UGGT2: variants seen among roughly 807,000 people sequenced by gnomAD.
UGGT2 encodes the protein UDP-glucose:glycoprotein glucosyltransferase 2.
Under a neutral mutation model 192.1 loss-of-function variants are expected in UGGT2, and 180 were observed. That is an observed-to-expected ratio of 0.94 (90% CI 0.83 to 1.06). The LOEUF is 1.06. UGGT2 is among the 50% of genes least tolerant of loss of function. The pLI is 0.00. For synonymous variants in UGGT2, 580 were observed against 591.0 expected, an observed-to-expected ratio of 0.98 and a Z score of 0.27; for missense variants, 1,849 against 1,795.7, an observed-to-expected ratio of 1.03 and a Z score of -0.54.
At chr13:96,022,554 ATAAT>A (rs1397746183) in intron 4 of UGGT2, among the ~76,000 whole-genome samples, 1 of 150,842 alleles carries the variant, frequency 6.6e-6, no homozygotes, top group Non-Finnish European at 1.5e-5. Context: ...TAAAGTATAA[ATAAT>A]CAGGCAAAAA....
chr13:96,027,644 C>A (rs2052709123), intron 2 of UGGT2, among the ~76,000 whole-genome samples: 1 of 152,180 alleles, frequency 6.6e-6, no homozygotes, highest in South Asian at 2.1e-4. Flanking sequence ...GACTTAACGA[C>A]ACGTAGCTCT....
Position 95,914,246 on chromosome 13 carries a change from TA to T in UGGT2, c.2296-11187del, listed in dbSNP as rs201574355. On this transcript the variant is annotated intron_variant, in intron 20 of 38. Coordinates refer to ENST00000376747, the MANE Select transcript of UGGT2 (RefSeq NM_020121.4). ...ATGTACCCTAGAACTTAAAGTATAA[TA>T]AAAAAAAAAAAGAAGGCAATGAGAT... Among the ~76,000 whole-genome samples, 898 of 134,164 alleles carry T rather than the reference TA, an allele frequency of 6.7e-3. 6 individuals are homozygous for T. The highest frequency in any genetic ancestry group is 0.022 in the East Asian group (105 of 4,678). The allele number at this position is 134,164 out of a possible 152,430, so 88.0% of individuals were successfully genotyped here. A position where few individuals can be genotyped will look rare whatever the true frequency, so the allele number is the denominator to read the frequency against.
In UGGT2 at chr13:95,852,145, T is replaced by G. The variant is rs552817544; in HGVS notation, c.4284+1398A>C. On this transcript the variant is annotated intron_variant, in intron 36 of 38. Transcript: ENST00000376747. Reference sequence around the variant, plus strand: ...AACTCATTCATATTTTGACATATAATTTCCCACTTACTAGATTTTTAAACA... The same window carrying G: ...AACTCATTCATATTTTGACATATAAGTTCCCACTTACTAGATTTTTAAACA... 2.6e-5 allele frequency among the ~76,000 whole-genome samples: 4 copies of G among 152,314 alleles called. No homozygotes were observed. In the South Asian group the frequency reaches 8.3e-4, roughly 32 times the overall value.
chr13:95,830,828 CAT>C (rs1335577595), intron 38 of UGGT2, among the ~76,000 whole-genome samples: 2 of 152,178 alleles, frequency 1.3e-5, no homozygotes, highest in African/African-American at 2.4e-5. Context: ...CACATGCACA[CAT>C]ATGTTTATTG....
chr13:96,019,047 G>A (rs769565915), intron 4 of UGGT2, among the ~76,000 whole-genome samples: 1 of 125,936 alleles, frequency 7.9e-6, no homozygotes, highest in African/African-American at 3.0e-5. Context: ...ATATTGATAA[G>A]ATATCACAAA....
chr13:95,945,018 T>G (rs1566737938), intron 15 of UGGT2, among the ~76,000 whole-genome samples: 1 of 151,964 alleles, frequency 6.6e-6, no homozygotes, highest in Non-Finnish European at 1.5e-5. Flanking sequence ...TCCCCTAATA[T>G]TTTATGGCTA....
chr13:96,006,800 T>A (rs1036616211), intron 5 of UGGT2, among the ~76,000 whole-genome samples: 8 of 151,978 alleles, frequency 5.3e-5, no homozygotes, highest in Non-Finnish European at 1.2e-4. Context: ...GTACCACACA[T>A]GGGAAACATC....
chr13:95,804,901 C>T (rs1884231423), intron 38 of UGGT2, among the ~76,000 whole-genome samples: 1 of 151,964 alleles, frequency 6.6e-6, no homozygotes, highest in Admixed American at 6.6e-5. Context: ...TTACATATGA[C>T]ACCAAAAATA....
chr13:95,984,678 G>T (rs2051236050), intron 9 of UGGT2, among the ~76,000 whole-genome samples: 1 of 152,076 alleles, frequency 6.6e-6, no homozygotes, highest in African/African-American at 2.4e-5. Flanking sequence ...AAAGACAGCA[G>T]AAGTGTTCAA....
chr13:95,880,430 G>A (rs1372372919), intron 27 of UGGT2, among the ~76,000 whole-genome samples: 1 of 152,186 alleles, frequency 6.6e-6, no homozygotes, highest in Non-Finnish European at 1.5e-5. Flanking sequence ...GCAGGTGAAG[G>A]CTGAACTTAA....
At chr13:95,842,578 A>G (rs1458957198) in intron 36 of UGGT2, among the ~76,000 whole-genome samples, 1 of 151,982 alleles carries the variant, frequency 6.6e-6, no homozygotes, top group African/African-American at 2.4e-5. Flanking sequence ...GTCTGGCTGG[A>G]TCTAGTGACT....
Position 95,986,397 on chromosome 13 carries a change from C to T in UGGT2, c.967G>A (p.Ala323Thr), listed in dbSNP as rs12863903. 221,352 of 1,587,636 alleles carry T rather than the reference C, an allele frequency of 0.14. 17,529 individuals carry two copies. The highest frequency in any genetic ancestry group is 0.19 in the Middle Eastern group (1,119 of 5,968). The change falls in exon 9 of 39, where the codon GCT becomes ACT. Residue 323 changes from alanine to threonine, a missense_variant. Coordinates refer to ENST00000376747, the MANE Select transcript of UGGT2 (RefSeq NM_020121.4). ...SFQAASQIMSAPVYDSIKLMK... is the reference protein window; with the variant it reads ...SFQAASQIMSTPVYDSIKLMK... ...AATTTAATGGAATCATAAACTGGAG[C>T]GGACATTATTTGAGAAGCTGCTTGA...
chr13:95,885,699 G>A (rs2047625773), intron 26 of UGGT2, among the ~76,000 whole-genome samples: 1 of 152,132 alleles, frequency 6.6e-6, no homozygotes, highest in Non-Finnish European at 1.5e-5. Flanking sequence ...AATAAAAAGA[G>A]GAGAAACAGG....
intron 37 of UGGT2, among the ~76,000 whole-genome samples, chr13:95,835,947 C>T (rs1362547557): frequency 6.6e-6 from 1 of 152,034 alleles, no homozygotes; most frequent in Non-Finnish European, 1.5e-5. Flanking sequence ...GTCTTGTTTG[C>T]CTTTATTTGG....
At chr13:95,826,488 C>T (rs549608253) in intron 38 of UGGT2, among the ~76,000 whole-genome samples, 2 of 152,088 alleles carry the variant, frequency 1.3e-5, no homozygotes, top group East Asian at 1.9e-4. Context: ...TAAGCTGAAA[C>T]ATTACTACAA....
intron 4 of UGGT2, among the ~76,000 whole-genome samples, chr13:96,015,082 T>C (rs1397281643): frequency 2.0e-5 from 3 of 151,872 alleles, no homozygotes; most frequent in Non-Finnish European, 4.4e-5. Context: ...ATCGAGACCA[T>C]CCTGGCTAAC....
rs1438853111 is a variant in UGGT2 at position 95,853,593 on chromosome 13, G to A, written c.4234C>T (p.Gln1412Ter). 9.3e-6 allele frequency: 15 copies of A among 1,610,312 alleles called. No homozygotes were observed. Among genetic ancestry groups the A allele is most frequent in the Non-Finnish European group, 1.3e-5 (15 of 1,178,778 alleles). Residue 1412 changes from glutamine to a stop codon, truncating the protein, a stop_gained, in exon 36 of 39, where the codon CAG becomes TAG. Transcript: ENST00000376747. LOFTEE classifies it high-confidence loss of function. ...GGATCTTGACTGAGAGCTTGATACT[G>A]GCTCCTGAGCCTGTCACCTGCTCCA... is the stretch of plus-strand genomic sequence containing the variant. Reference protein sequence around the residue: ...RIGAGDRLRSQYQALSQDPNS... With the variant: ...RIGAGDRLRS
chr13:95,832,928 T>C lies in UGGT2; in HGVS notation c.4527A>G (p.Thr1509=), dbSNP rs1886882614. ...CATCACAACACGTTGATGACTTACT[T>C]GTATCTTGCTTCTTGTTTTCAAGAT... The part of the protein sequence containing the change: ...LDHLENKKQD[T]ILTHDEL The change falls in exon 38 of 39, where the codon ACA becomes ACG. Residue 1509 remains threonine (T), a splice_region_variant and synonymous_variant. Coordinates refer to ENST00000376747, the MANE Select transcript of UGGT2 (RefSeq NM_020121.4). The C allele has an allele frequency of 6.2e-7, 1 of 1,612,252 alleles. No individual in the cohort carries two copies. Among genetic ancestry groups the C allele is most frequent in the South Asian group, 1.1e-5 (1 of 90,936 alleles).
chr13:95,900,693 T>C (rs888130926), intron 22 of UGGT2, 114 bp downstream of exon 22: 20 of 1,199,730 alleles, frequency 1.7e-5, no homozygotes, highest in South Asian at 4.2e-5. Context: ...CTTCAGCTCA[T>C]GAACACCGTC....
Sources: allele counts gnomAD v4.1 joint callset (sites outside exome capture counted in the v4.1 genomes callset), GRCh38; gene constraint gnomAD v4.1.1; transcripts MANE v1.5; gene names NCBI Gene and HGNC (gene_info 2026-07-23, HGNC 2026-07-21).